Variants in LIN28B observed in about 807,000 individuals in gnomAD.
LIN28B encodes lin-28 RNA binding posttranscriptional regulator B.
Under a neutral mutation model 21.9 loss-of-function variants are expected in LIN28B, and 5 were observed. The observed-to-expected ratio is 0.23, with a 90% confidence interval of 0.12 to 0.48. LIN28B has a LOEUF of 0.48. LIN28B is among the 20% of genes least tolerant of loss of function. The pLI is 0.98. For synonymous variants in LIN28B, 109 were observed against 111.3 expected (o/e 0.98, Z 0.13); for missense variants, 245 against 310.5 (o/e 0.79, Z 1.58).
At position 105,049,623 on chromosome 6, in the gene LIN28B, T is replaced by A. The variant is rs572954388; in HGVS notation, c.383+23141T>A. Among the ~76,000 whole-genome samples the A allele has an allele frequency of 1.3e-3, 195 of 152,166 alleles. 2 individuals are homozygous for A. The highest frequency in any genetic ancestry group is 4.2e-3 in the African/African-American group (175 of 41,522). On this transcript the variant is annotated intron_variant, in intron 3 of 3. Transcript: ENST00000345080. ...GGGGTGTTAAAGTCTCCCATTATTA[T>A]TGTGTGGGAGTCTAAGTCTCTTTGT... is the stretch of plus-strand genomic sequence containing the variant.
intron 2 of LIN28B, among the ~76,000 whole-genome samples, chr6:105,021,645 T>C (rs924724106): frequency 6.6e-6 from 1 of 152,212 alleles, no homozygotes; most frequent in Non-Finnish European, 1.5e-5. Flanking sequence ...GTATGTCTTA[T>C]TTGCAAAATG....
At chr6:105,053,012 T>C (rs1771939438) in intron 3 of LIN28B, among the ~76,000 whole-genome samples, 2 of 152,114 alleles carry the variant, frequency 1.3e-5, no homozygotes, top group South Asian at 4.1e-4. Context: ...AGATAAAGTT[T>C]TAAATTTTCC....
intron 2 of LIN28B, among the ~76,000 whole-genome samples, chr6:104,960,239 A>G (rs563551896): frequency 2.0e-5 from 3 of 152,144 alleles, no homozygotes; most frequent in African/African-American, 7.2e-5. Context: ...AATTGTATAT[A>G]AATTGTATGA....
At chr6:105,006,180 A>G (rs1350251980) in intron 2 of LIN28B, among the ~76,000 whole-genome samples, 1 of 152,156 alleles carries the variant, frequency 6.6e-6, no homozygotes, top group East Asian at 1.9e-4. Context: ...AACACTACAT[A>G]GCATGGATTG....
intron 2 of LIN28B, among the ~76,000 whole-genome samples, chr6:105,020,904 C>T (rs1246826300): frequency 5.9e-5 from 9 of 151,928 alleles, no homozygotes; most frequent in Non-Finnish European, 1.2e-4. Flanking sequence ...AGACGCCCAC[C>T]ACCACGCCCG....
In LIN28B at chr6:105,039,127, A is replaced by T. The variant is rs561316916; in HGVS notation, c.383+12645A>T. 3.9e-5 allele frequency among the ~76,000 whole-genome samples: 6 copies of T among 152,348 alleles called. No homozygotes were observed. The East Asian group carries it at 7.7e-4, about 20-fold the overall frequency. On this transcript the variant is annotated intron_variant, in intron 3 of 3. Transcript: ENST00000345080. ...ATGACCAGTATTATTAATTTTAAAAAATGAGATAGAATAAAAATCATCAGA... is the reference window on the plus strand; with the variant it reads ...ATGACCAGTATTATTAATTTTAAAATATGAGATAGAATAAAAATCATCAGA...
intron 3 of LIN28B, among the ~76,000 whole-genome samples, chr6:105,065,370 A>G (rs1455947804): frequency 1.3e-5 from 2 of 152,242 alleles, no homozygotes; most frequent in Non-Finnish European, 2.9e-5. Flanking sequence ...ATAATATCAC[A>G]GTTTACAGAG....
At chr6:105,013,091 C>T (rs1221962777) in intron 2 of LIN28B, among the ~76,000 whole-genome samples, 1 of 152,148 alleles carries the variant, frequency 6.6e-6, no homozygotes, top group African/African-American at 2.4e-5. Context: ...TCTCAGCTCA[C>T]TGCAACCTCC....
rs572726469 is a variant in LIN28B, at chr6:105,081,997, A to G, written c.*3214A>G. On this transcript the variant is annotated 3_prime_UTR_variant, in exon 4 of 4. Transcript: ENST00000345080. ...TAATGGTGGGGCAGCAGGTCTGTGAATTAAGTTATCTCTTGACCTCACCCT... is the reference window on the plus strand; with the variant it reads ...TAATGGTGGGGCAGCAGGTCTGTGAGTTAAGTTATCTCTTGACCTCACCCT... 2 of 152,726 alleles carry G rather than the reference A, an allele frequency of 1.3e-5. No individual in the cohort carries two copies. Among genetic ancestry groups the G allele is most frequent in the South Asian group, 4.1e-4 (2 of 4,828 alleles). 9.5% of individuals were successfully genotyped at this position (152,726 alleles called of 1,614,324 possible).
intron 3 of LIN28B, among the ~76,000 whole-genome samples, chr6:105,062,598 A>G (rs1450489916): frequency 6.6e-6 from 1 of 152,220 alleles, no homozygotes; most frequent in African/African-American, 2.4e-5. Context: ...TGAAGATACT[A>G]ATTTTCATAA....
At chr6:105,064,922 G>A (rs963619808) in intron 3 of LIN28B, among the ~76,000 whole-genome samples, 3 of 152,156 alleles carry the variant, frequency 2.0e-5, no homozygotes, top group East Asian at 1.9e-4. Context: ...ATAATAAAGC[G>A]ATTTTTTTGG....
intron 2 of LIN28B, among the ~76,000 whole-genome samples, chr6:104,985,066 G>A (rs956295527): frequency 6.6e-6 from 1 of 152,154 alleles, no homozygotes; most frequent in African/African-American, 2.4e-5. Context: ...TAAGCTACCA[G>A]TGTGAAATCA....
At position 105,037,702 on chromosome 6, in the gene LIN28B, G is replaced by A. The variant is rs553531973; in HGVS notation, c.383+11220G>A. 1.3e-3 allele frequency among the ~76,000 whole-genome samples: 204 copies of A among 151,764 alleles called. 1 individual carries two copies. The highest frequency in any genetic ancestry group is 4.6e-3 in the African/African-American group (192 of 41,388). On this transcript the variant is annotated intron_variant, in intron 3 of 3. Transcript: ENST00000345080. ...TTTTTGTATTTTTTTTTAGAGACTG[G>A]GTTTTGCCACGTTGCCCAGGCTGGT...
At chr6:104,981,882 C>A (rs897535006) in intron 2 of LIN28B, among the ~76,000 whole-genome samples, 6 of 152,058 alleles carry the variant, frequency 3.9e-5, no homozygotes, top group African/African-American at 1.4e-4. Flanking sequence ...TTTGAGCAGC[C>A]AAGTTAGCCT....
intron 2 of LIN28B, among the ~76,000 whole-genome samples, chr6:104,975,545 C>G (rs1462988201): frequency 6.6e-6 from 1 of 152,162 alleles, no homozygotes; most frequent in Non-Finnish European, 1.5e-5. Flanking sequence ...AACTGTTCAA[C>G]TATAGACAGT....
At chr6:105,054,790 C>T (rs1257711186) in intron 3 of LIN28B, among the ~76,000 whole-genome samples, 2 of 151,774 alleles carry the variant, frequency 1.3e-5, no homozygotes, top group South Asian at 4.2e-4. Flanking sequence ...ACCACACACC[C>T]GGGGTGCAAG....
At chr6:104,997,540 C>A (rs902496244) in intron 2 of LIN28B, among the ~76,000 whole-genome samples, 1 of 149,322 alleles carries the variant, frequency 6.7e-6, no homozygotes, top group South Asian at 2.1e-4. Flanking sequence ...ATATGTAACA[C>A]CCGCCCCCCC....
chr6:105,056,883 G>C (rs1333143098), intron 3 of LIN28B, among the ~76,000 whole-genome samples: 1 of 152,130 alleles, frequency 6.6e-6, no homozygotes, highest in East Asian at 1.9e-4. Context: ...GAAAGCTGGG[G>C]CAAACATCTG....
At chr6:104,985,859 A>G (rs1411037622) in intron 2 of LIN28B, among the ~76,000 whole-genome samples, 1 of 152,154 alleles carries the variant, frequency 6.6e-6, no homozygotes, top group Non-Finnish European at 1.5e-5. Context: ...GTTTTGTCTT[A>G]TGAGTATTCA....
Sources: gnomAD v4.1 joint callset for allele counts (sites outside exome capture counted in the v4.1 genomes callset) on GRCh38, gnomAD v4.1.1 for gene constraint, MANE v1.5 for transcripts, NCBI Gene and HGNC (gene_info 2026-07-23, HGNC 2026-07-21) for gene names.